SMAD6: variants seen among roughly 807,000 people sequenced by gnomAD.
The protein encoded by SMAD6 is SMAD family member 6, also known as MAD homolog 6.
SMAD6 carries 103 observed loss-of-function variants against 39.4 expected under a neutral mutation model. That is an observed-to-expected ratio of 2.62 (90% confidence interval 2.23 to 3.08). SMAD6 has a LOEUF of 3.08. SMAD6 is among the 30% of genes most tolerant of loss of function. The probability of loss-of-function intolerance (pLI) is 0.00; values close to 1 mark genes in which losing one functional copy is unlikely to be tolerated. For synonymous variants in SMAD6, 445 were observed against 353.3 expected (o/e 1.26, Z -2.91); for missense variants, 1,104 against 742.9 (o/e 1.49, Z -5.65).
In SMAD6 at chr15:66,781,399, C is replaced by T; in HGVS notation, c.1355C>T (p.Pro452Leu). 1.9e-6 allele frequency: 3 copies of T among 1,602,634 alleles called. No homozygotes were observed. The highest frequency in any genetic ancestry group is 2.5e-6 in the Non-Finnish European group (3 of 1,177,840). Residue 452 changes from proline to leucine, a missense_variant, in exon 4 of 4, where the codon CCC becomes CTC. Pro to Leu is a moderately conservative substitution (Grantham distance 98, BLOSUM62 -3). Coordinates refer to ENST00000288840, the MANE Select transcript of SMAD6 (RefSeq NM_005585.5). Reference sequence around the variant, plus strand: ...TCGGGCCTGCAGCACGCGCCCGAGCCCGACGCCGCCGACGGCCCCTACGAC... The same window carrying T: ...TCGGGCCTGCAGCACGCGCCCGAGCTCGACGCCGCCGACGGCCCCTACGAC... ...ERSGLQHAPE[P>L]DAADGPYDPN...
intron 3 of SMAD6, among the ~76,000 whole-genome samples, chr15:66,757,871 CGTG>C (rs1469388188): frequency 6.6e-6 from 1 of 152,136 alleles, no homozygotes; most frequent in African/African-American, 2.4e-5. Context: ...GCTCTGCAGA[CGTG>C]GTGGTGGTGG....
intron 3 of SMAD6, among the ~76,000 whole-genome samples, chr15:66,723,161 C>T (rs1893463802): frequency 6.6e-6 from 1 of 152,160 alleles, no homozygotes; most frequent in South Asian, 2.1e-4. Flanking sequence ...GGAACAAAGT[C>T]ATGAGGAGGG....
In SMAD6 at chr15:66,716,486, G is replaced by A. The variant is rs773423990; in HGVS notation, c.940G>A (p.Gly314Ser). 2.5e-6 allele frequency: 4 copies of A among 1,612,576 alleles called. No homozygotes were observed. Among genetic ancestry groups the A allele is most frequent in the Non-Finnish European group, 3.4e-6 (4 of 1,178,580 alleles). ...EATNSLITAP[G>S]EFSDASMSPD... Reference sequence around the variant, plus strand: ...TACCAACTCCCTCATCACTGCTCCGGGTGAATTCTCAGGTCAGCATTTTTT... The same window carrying A: ...TACCAACTCCCTCATCACTGCTCCGAGTGAATTCTCAGGTCAGCATTTTTT... The change falls in exon 3 of 4, where the codon GGT becomes AGT. Residue 314 changes from glycine to serine, a missense_variant. Gly to Ser is a moderately conservative substitution (Grantham distance 56). Coordinates refer to ENST00000288840, the MANE Select transcript of SMAD6 (RefSeq NM_005585.5).
chr15:66,756,054 G>C (rs574464972), intron 3 of SMAD6, among the ~76,000 whole-genome samples: 41 of 151,732 alleles, frequency 2.7e-4, no homozygotes, highest in Admixed American at 1.4e-3. Context: ...ACTAATTAGA[G>C]GTGACAATGG....
intron 3 of SMAD6, among the ~76,000 whole-genome samples, chr15:66,745,440 A>C (rs1266037414): frequency 6.7e-6 from 1 of 149,886 alleles, no homozygotes; most frequent in African/African-American, 2.5e-5. Flanking sequence ...ACTTTTAAAC[A>C]GCTCTCAGTG....
rs1270663093 is a variant in SMAD6, at chr15:66,702,573, T to C, written c.-686T>C. On this transcript the variant is annotated 5_prime_UTR_variant, in exon 1 of 4. Coordinates refer to ENST00000288840, the MANE Select transcript of SMAD6 (RefSeq NM_005585.5). The stretch of plus-strand genomic sequence containing the variant: ...TCTTTGGGATTTTTACAGCTTCCAC[T>C]CATGTGTTGACACCCGCGTCCAGGA... 1 of 152,536 alleles carries C rather than the reference T, an allele frequency of 6.6e-6. No individual in the cohort carries two copies. The highest frequency in any genetic ancestry group is 1.5e-5 in the Non-Finnish European group (1 of 68,046). 9.4% of individuals were successfully genotyped at this position (152,536 alleles called of 1,614,324 possible).
chr15:66,759,714 A>G (rs751300068), intron 3 of SMAD6, among the ~76,000 whole-genome samples: 23 of 152,258 alleles, frequency 1.5e-4, no homozygotes, highest in Non-Finnish European at 2.9e-5. Context: ...AAAAGCTCTG[A>G]ATCTTCACTG....
intron 3 of SMAD6, among the ~76,000 whole-genome samples, chr15:66,724,434 T>C (rs1309676878): frequency 6.6e-6 from 1 of 152,174 alleles, no homozygotes; most frequent in Non-Finnish European, 1.5e-5. Flanking sequence ...AGGTACTCTC[T>C]AAGTGCCATA....
At chr15:66,717,514 T>C (rs1191354477) in intron 3 of SMAD6, 3 of 444,072 alleles carry the variant, frequency 6.8e-6, no homozygotes, top group South Asian at 3.1e-5. Flanking sequence ...CAAATGTACC[T>C]TCAATAAATG....
chr15:66,726,916 G>T, intron 3 of SMAD6, among the ~76,000 whole-genome samples: 1 of 151,900 alleles, frequency 6.6e-6, no homozygotes, highest in East Asian at 1.9e-4. Context: ...CGCAGCCTGG[G>T]CTAAGAACCC....
chr15:66,725,557 A>G (rs561582981), intron 3 of SMAD6, among the ~76,000 whole-genome samples: 2 of 152,314 alleles, frequency 1.3e-5, no homozygotes, highest in African/African-American at 2.4e-5. Flanking sequence ...AGTCATTTTG[A>G]TCTCTTTGAG....
intron 2 of SMAD6, among the ~76,000 whole-genome samples, chr15:66,714,230 C>T (rs1487823100): frequency 6.6e-6 from 1 of 152,152 alleles, no homozygotes; most frequent in East Asian, 1.9e-4. Flanking sequence ...TGCAGAGTGA[C>T]CATGTGGAAA....
chr15:66,773,366 G>A (rs952325310), intron 3 of SMAD6, among the ~76,000 whole-genome samples: 1 of 152,084 alleles, frequency 6.6e-6, no homozygotes, highest in Non-Finnish European at 1.5e-5. Flanking sequence ...GCCGGAGCCC[G>A]GTGGATAAAG....
intron 1 of SMAD6, chr15:66,708,747 G>A: frequency 2.1e-6 from 1 of 471,542 alleles, no homozygotes; most frequent in South Asian, 1.5e-5. Context: ...AAGTAAGTTA[G>A]TGGTTGCCCA....
chr15:66,703,470 C>T lies in SMAD6; in HGVS notation c.212C>T (p.Ala71Val). The change falls in exon 1 of 4, where the codon GCA (alanine) becomes GTA (valine). Residue 71 changes from alanine (A) to valine (V), a missense_variant. By Grantham distance (64) the Ala-to-Val change is moderately conservative. Transcript: ENST00000288840. ...GTAGCCCCGCGGCGGCCCCGGGACG[C>T]AGTGGGACAGCGAGGCGCCCAGGGC... Reference protein sequence around the residue: ...RPVAPRRPRDAVGQRGAQGAG... With the variant: ...RPVAPRRPRDVVGQRGAQGAG... 1 of 1,247,430 alleles carries T rather than the reference C, an allele frequency of 8.0e-7. No individual in the cohort carries two copies. Among genetic ancestry groups the T allele is most frequent in the Non-Finnish European group, 1.0e-6 (1 of 992,070 alleles). The allele number at this position is 1,247,430 out of a possible 1,614,324, so 77.3% of individuals were successfully genotyped here.
intron 3 of SMAD6, among the ~76,000 whole-genome samples, chr15:66,780,703 A>C (rs1409150999): frequency 6.6e-6 from 1 of 152,162 alleles, no homozygotes; most frequent in Non-Finnish European, 1.5e-5. Flanking sequence ...CAGGGTGTGC[A>C]TGGTTCATGT....
intron 3 of SMAD6, among the ~76,000 whole-genome samples, chr15:66,761,746 C>T (rs373499043): frequency 3.3e-4 from 51 of 152,290 alleles, no homozygotes; most frequent in Middle Eastern, 3.4e-3. Context: ...ATCTCTAGCC[C>T]AGACATTCCC....
intron 3 of SMAD6, among the ~76,000 whole-genome samples, chr15:66,729,941 G>T (rs1346541625): frequency 6.6e-6 from 1 of 151,556 alleles, no homozygotes; most frequent in Non-Finnish European, 1.5e-5. Flanking sequence ...GGCCTGGGCT[G>T]CAGGAAAAAC....
rs1392448211 is a variant in SMAD6, at chr15:66,782,745, T to G, written c.*1210T>G. The G allele has an allele frequency of 6.6e-6, 1 of 152,220 alleles. No homozygotes were observed. Among genetic ancestry groups the G allele is most frequent in the Non-Finnish European group, 1.5e-5 (1 of 68,036 alleles). The allele number at this position is 152,220 out of a possible 1,614,324, so 9.4% of individuals were successfully genotyped here. ...CTTGGCCAGATAACTAAGAGGAATGTTTCATTGTATATCTTTTTTCTTGGA... is the reference window on the plus strand; with the variant it reads ...CTTGGCCAGATAACTAAGAGGAATGGTTCATTGTATATCTTTTTTCTTGGA... On this transcript the variant is annotated 3_prime_UTR_variant, in exon 4 of 4. Coordinates refer to ENST00000288840, the MANE Select transcript of SMAD6 (RefSeq NM_005585.5).
Sources: allele counts gnomAD v4.1 joint callset (sites outside exome capture counted in the v4.1 genomes callset), GRCh38; gene constraint gnomAD v4.1.1; transcripts MANE v1.5; gene names NCBI Gene and HGNC (gene_info 2026-07-23, HGNC 2026-07-21).